CARMIL1: variants seen among roughly 807,000 people sequenced by gnomAD.
CARMIL1 encodes capping protein regulator and myosin 1 linker 1.
Under a neutral mutation model 177.1 loss-of-function variants are expected in CARMIL1, and 90 were observed. The observed-to-expected ratio is 0.51, with a 90% CI of 0.43 to 0.61. CARMIL1 has a LOEUF of 0.61. CARMIL1 is among the 20% of genes least tolerant of loss of function. The pLI, the probability that CARMIL1 is intolerant of heterozygous loss-of-function variation, is 0.00. For synonymous variants in CARMIL1, 577 were observed against 606.2 expected (o/e 0.95, Z 0.71); for missense variants, 1,380 against 1,667.0 (o/e 0.83, Z 3.00).
intron 1 of CARMIL1, among the ~76,000 whole-genome samples, chr6:25,284,539 A>G (rs1236152188): frequency 6.6e-6 from 1 of 152,192 alleles, no homozygotes; most frequent in Non-Finnish European, 1.5e-5. Flanking sequence ...GTAAAACCCC[A>G]TCTCTACTAA....
intron 31 of CARMIL1, among the ~76,000 whole-genome samples, chr6:25,590,247 C>T (rs940415546): frequency 4.6e-5 from 7 of 151,804 alleles, no homozygotes; most frequent in African/African-American, 1.2e-4. Flanking sequence ...TCTTTTTTTT[C>T]GGTATTTGTT....
intron 10 of CARMIL1, 64 bp downstream of exon 10, chr6:25,471,321 T>G: frequency 8.4e-7 from 1 of 1,191,458 alleles, no homozygotes; most frequent in Non-Finnish European, 1.2e-6. Context: ...GCTCTTCTAA[T>G]TAATTCATAG....
At chr6:25,452,226 T>C in intron 8 of CARMIL1, 1 of 476,902 alleles carries the variant, frequency 2.1e-6, no homozygotes, top group Non-Finnish European at 3.9e-6. Context: ...TCTCAGGCAA[T>C]TTTTTTTTTT....
chr6:25,588,322 T>C (rs534686884), intron 31 of CARMIL1, among the ~76,000 whole-genome samples: 19 of 152,210 alleles, frequency 1.2e-4, no homozygotes, highest in Non-Finnish European at 2.1e-4. Context: ...TATTTCTTGT[T>C]CATATCATAG....
intron 5 of CARMIL1, among the ~76,000 whole-genome samples, chr6:25,440,023 G>A (rs1797592267): frequency 2.0e-5 from 3 of 152,126 alleles, no homozygotes; most frequent in Admixed American, 6.5e-5. Context: ...CTTAAACAAA[G>A]ACCATGTTTT....
Position 25,577,032 on chromosome 6 carries a change from C to G in CARMIL1, c.2743-3892C>G. The G allele has an allele frequency of 1.0e-6, 1 of 985,204 alleles. No individual in the cohort carries two copies. The highest frequency in any genetic ancestry group is 4.7e-5 in the South Asian group (1 of 21,268). The allele number at this position is 985,204 out of a possible 1,614,324, so 61.0% of individuals were successfully genotyped here. On this transcript the variant is annotated intron_variant, in intron 29 of 36. Transcript: ENST00000329474. The surrounding 1 kb of genome is among the most constrained non-coding windows in gnomAD (Gnocchi z 4.5). ...GGTGGCTCTGCGGTTTCTGGCTGTA[C>G]TACTTTATATTCTTGTGCTCCATTT...
chr6:25,460,314 A>C (rs148647502), intron 8 of CARMIL1, among the ~76,000 whole-genome samples: 8 of 152,354 alleles, frequency 5.3e-5, no homozygotes, highest in Admixed American at 2.0e-4. Flanking sequence ...TTAGTTACAT[A>C]CTGTCTTGTG....
At chr6:25,593,738 T>C (rs892517008) in intron 31 of CARMIL1, among the ~76,000 whole-genome samples, 2 of 152,166 alleles carry the variant, frequency 1.3e-5, no homozygotes, top group East Asian at 3.8e-4. Flanking sequence ...ACATCACATA[T>C]GCCTCACATA....
chr6:25,315,844 C>T (rs1784233196), intron 2 of CARMIL1, among the ~76,000 whole-genome samples: 1 of 152,166 alleles, frequency 6.6e-6, no homozygotes, highest in African/African-American at 2.4e-5. Context: ...AATTGTGGTC[C>T]ATGACCAGCG....
intron 2 of CARMIL1, among the ~76,000 whole-genome samples, chr6:25,412,713 A>AG (rs5875035): frequency 0.16 from 23,643 of 152,214 alleles, 2,148 homozygotes; most frequent in South Asian, 0.21. Context: ...CCACTAGACC[A>AG]GGGGTCAGTA....
intron 15 of CARMIL1, among the ~76,000 whole-genome samples, chr6:25,493,467 C>T (rs917635153): frequency 4.6e-5 from 7 of 152,170 alleles, no homozygotes; most frequent in Non-Finnish European, 1.0e-4. Context: ...GACCGCTTTC[C>T]TCCAATGTCG....
At position 25,600,526 on chromosome 6, in the gene CARMIL1, C is replaced by A. The variant is rs1815286400; in HGVS notation, c.3332C>A (p.Thr1111Lys). 6.2e-7 allele frequency: 1 copy of A among 1,613,900 alleles called. No homozygotes were observed. Among genetic ancestry groups the A allele is most frequent in the South Asian group, 1.1e-5 (1 of 91,088 alleles). Residue 1111 changes from threonine (T) to lysine (K), a missense_variant, in exon 33 of 37, where the codon ACA (threonine) becomes AAA (lysine). Transcript: ENST00000329474. ...SPPVDCPRKD[T>K]KAAEHNGNSE... ...CCTGTGGACTGTCCCAGGAAGGACA[C>A]AAAGGCCGCCGAGCACAATGGCAAT...
Position 25,327,234 on chromosome 6 carries a change from T to G in CARMIL1, c.138+42325T>G, listed in dbSNP as rs1288669896. Among the ~76,000 whole-genome samples, 3 of 151,978 alleles carry G rather than the reference T, an allele frequency of 2.0e-5. No homozygotes were observed. The East Asian group carries it at 5.8e-4, about 29-fold the overall frequency. ...ACCAAGCTGGAAGGAACTCTTGACA[T>G]TCACAGGAGCAAGAGCCAGCAAAAG... On this transcript the variant is annotated intron_variant, in intron 2 of 36. Transcript: ENST00000329474.
intron 2 of CARMIL1, among the ~76,000 whole-genome samples, chr6:25,419,737 AGTT>A (rs1250576967): frequency 1.3e-5 from 2 of 152,164 alleles, no homozygotes; most frequent in African/African-American, 2.4e-5. Context: ...ATGAGTACTT[AGTT>A]GTTGTTTTTT....
chr6:25,398,476 C>T (rs1378500947), intron 2 of CARMIL1, among the ~76,000 whole-genome samples: 3 of 152,140 alleles, frequency 2.0e-5, no homozygotes, highest in African/African-American at 4.8e-5. Context: ...AAAGTGCTTA[C>T]GGTGATAAAT....
chr6:25,551,740 A>G (rs770025887), intron 27 of CARMIL1, among the ~76,000 whole-genome samples: 1 of 152,192 alleles, frequency 6.6e-6, no homozygotes, highest in Admixed American at 6.5e-5. Flanking sequence ...TAGTTGGGGA[A>G]TCAGATAACT....
In CARMIL1 at chr6:25,324,118, T is replaced by C. The variant is rs1416190517; in HGVS notation, c.138+39209T>C. Reference sequence around the variant, plus strand: ...TCATGAATTGTGGGAGTTAACCCTGTTTAATGCCCCACAAAGGAACAGACC... The same window carrying C: ...TCATGAATTGTGGGAGTTAACCCTGCTTAATGCCCCACAAAGGAACAGACC... On this transcript the variant is annotated intron_variant, in intron 2 of 36. Transcript: ENST00000329474. 2.0e-5 allele frequency among the ~76,000 whole-genome samples: 3 copies of C among 152,194 alleles called. 1 individual carries two copies. The highest frequency in any genetic ancestry group is 4.4e-5 in the Non-Finnish European group (3 of 68,026).
chr6:25,577,636 A>T lies in CARMIL1; in HGVS notation c.2743-3288A>T, dbSNP rs1812721859. Among the ~76,000 whole-genome samples the T allele has an allele frequency of 6.6e-6, 1 of 152,134 alleles. No individual in the cohort carries two copies. The highest frequency in any genetic ancestry group is 6.5e-5 in the Admixed American group (1 of 15,276). Reference sequence around the variant, plus strand: ...TAAAAAAAAAGTATGTCTAGGAATTACATGTTAAAAGTGGGTTTGACAGGA... The same window carrying T: ...TAAAAAAAAAGTATGTCTAGGAATTTCATGTTAAAAGTGGGTTTGACAGGA... On this transcript the variant is annotated intron_variant, in intron 29 of 36. Transcript: ENST00000329474. The surrounding 1 kb of genome is among the most constrained non-coding windows in gnomAD (Gnocchi z 4.5).
At chr6:25,588,882 T>C (rs57345947) in intron 31 of CARMIL1, among the ~76,000 whole-genome samples, 2,958 of 152,308 alleles carry the variant, frequency 0.019, 82 homozygotes, top group African/African-American at 0.061. Context: ...CTCTGAAATA[T>C]TATACCATGC....
Sources: gnomAD v4.1 joint callset for allele counts (sites outside exome capture counted in the v4.1 genomes callset) on GRCh38, gnomAD v4.1.1 for gene constraint, Gnocchi (gnomAD v3.1) non-coding constraint, MANE v1.5 for transcripts, NCBI Gene and HGNC (gene_info 2026-07-23, HGNC 2026-07-21) for gene names.